Variants in SYNE1 observed in about 807,000 individuals in gnomAD.
SYNE1 encodes the protein nesprin-1.
SYNE1 carries 616 observed loss-of-function variants against 1,111.0 expected under a neutral mutation model. The observed-to-expected ratio is 0.55, with a 90% CI of 0.52 to 0.59. The LOEUF (loss-of-function observed/expected upper bound fraction) is 0.59, where lower values mean the gene tolerates loss of function less well. Among genes scored for constraint, SYNE1 ranks in the 20% least tolerant of loss-of-function variants. The probability of loss-of-function intolerance (pLI) is 0.00; values close to 1 mark genes in which losing one functional copy is unlikely to be tolerated. For missense variants in SYNE1, 10,006 were observed against 10,417.0 expected, an observed-to-expected ratio of 0.96 and a Z score of 1.72; for synonymous variants, 3,855 against 3,825.8, an observed-to-expected ratio of 1.01 and a Z score of -0.28.
At chr6:152,368,865 C>T (rs2097129865) in intron 61 of SYNE1, 107 bp downstream of exon 61, 1 of 1,444,278 alleles carries the variant, frequency 6.9e-7, no homozygotes, top group East Asian at 2.3e-5. Context: ...CCTGGAGACC[C>T]ACACTGTGGG....
chr6:152,197,751 T>C (rs569876390), intron 127 of SYNE1, among the ~76,000 whole-genome samples: 14 of 152,310 alleles, frequency 9.2e-5, no homozygotes, highest in Admixed American at 4.6e-4. Context: ...GGTTTTGTTG[T>C]TCTATTTATA....
At chr6:152,368,937 T>C in intron 61 of SYNE1, 35 bp downstream of exon 61, 1 of 1,613,828 alleles carries the variant, frequency 6.2e-7, no homozygotes. Flanking sequence ...GCGACATCAG[T>C]ATCACACTCA....
Position 152,381,053 on chromosome 6 carries a change from C to T in SYNE1, c.8962G>A (p.Gly2988Ser). The T allele has an allele frequency of 6.2e-7, 1 of 1,614,198 alleles. No individual in the cohort carries two copies. Among genetic ancestry groups the T allele is most frequent in the Admixed American group, 1.7e-5 (1 of 60,016 alleles). Residue 2988 changes from glycine to serine, a missense_variant, in exon 56 of 146, where the codon GGC becomes AGC. Coordinates refer to ENST00000367255, the MANE Select transcript of SYNE1 (RefSeq NM_182961.4). ...TWAQQLTLLE[G>S]KNTDEEIVEC... ...ACTATCTCCTCATCCGTGTTCTTGC[C>T]TTCCAGGAGGGTTAACTGCTGAGCC... is the stretch of plus-strand genomic sequence containing the variant.
At chr6:152,412,810 C>G (rs1464256923) in intron 42 of SYNE1, among the ~76,000 whole-genome samples, 3 of 151,142 alleles carry the variant, frequency 2.0e-5, no homozygotes, top group Non-Finnish European at 4.4e-5. Flanking sequence ...TACTTCATAA[C>G]TGTTGACAAC....
intron 12 of SYNE1, among the ~76,000 whole-genome samples, chr6:152,486,038 T>C (rs2098937469): frequency 6.6e-6 from 1 of 151,704 alleles, no homozygotes; most frequent in Non-Finnish European, 1.5e-5. Flanking sequence ...CCATTAAAAA[T>C]ACAAAAATTA....
At chr6:152,559,886 A>G (rs75465430) in intron 3 of SYNE1, among the ~76,000 whole-genome samples, 2,845 of 152,330 alleles carry the variant, frequency 0.019, 95 homozygotes, top group African/African-American at 0.065. Context: ...TTTTAGCTAG[A>G]CTAAAGAAAA....
intron 98 of SYNE1, among the ~76,000 whole-genome samples, chr6:152,270,514 T>G (rs781050567): frequency 2.0e-5 from 3 of 152,250 alleles, no homozygotes; most frequent in Non-Finnish European, 4.4e-5. Flanking sequence ...CCTTCCTGCC[T>G]GATTATTCTA....
intron 3 of SYNE1, among the ~76,000 whole-genome samples, chr6:152,593,498 C>T (rs567352210): frequency 3.3e-5 from 5 of 152,006 alleles, no homozygotes; most frequent in African/African-American, 9.6e-5. Context: ...AGGAGAATGG[C>T]GTGAATCCGG....
At chr6:152,435,710 G>C (rs1426130528) in intron 33 of SYNE1, 6 of 586,196 alleles carry the variant, frequency 1.0e-5, no homozygotes, top group African/African-American at 7.5e-5. Flanking sequence ...TCATGAACAT[G>C]ATCAGTTTAA....
intron 29 of SYNE1, among the ~76,000 whole-genome samples, chr6:152,445,828 T>G (rs1479645923): frequency 1.3e-5 from 2 of 152,138 alleles, no homozygotes; most frequent in Non-Finnish European, 2.9e-5. Context: ...ATCCATCTCT[T>G]CATACAAATC....
At chr6:152,254,586 C>T (rs990343328) in intron 104 of SYNE1, among the ~76,000 whole-genome samples, 6 of 152,084 alleles carry the variant, frequency 3.9e-5, no homozygotes, top group South Asian at 2.1e-4. Context: ...GTTTAAACTC[C>T]GGTATTAGTA....
At chr6:152,311,974 C>T (rs1003914934) in intron 87 of SYNE1, among the ~76,000 whole-genome samples, 2 of 152,148 alleles carry the variant, frequency 1.3e-5, no homozygotes, top group South Asian at 2.1e-4. Flanking sequence ...TTAGCAGAGA[C>T]GGGGTTTCAT....
At chr6:152,384,257 G>A (rs903675482) in intron 55 of SYNE1, among the ~76,000 whole-genome samples, 14 of 152,252 alleles carry the variant, frequency 9.2e-5, no homozygotes, top group African/African-American at 3.1e-4. Context: ...TGATTCCAGA[G>A]CCTGAACTCT....
At chr6:152,520,004 A>G (rs2099131132) in intron 6 of SYNE1, among the ~76,000 whole-genome samples, 1 of 152,168 alleles carries the variant, frequency 6.6e-6, no homozygotes, top group South Asian at 2.1e-4. Context: ...ATGCAAAATA[A>G]CTGACCAGCA....
In SYNE1 at chr6:152,455,511, C is replaced by T. The variant is rs537794828; in HGVS notation, c.2807G>A (p.Arg936Gln). ...CCGCAGTACCTTCTCCAACTCTGCT[C>T]GAGACTCCTCAAACTTCTTCATCAA... ...SRLMKKFEES[R>Q]AELEKVLRIA... Residue 936 changes from arginine (R) to glutamine (Q), a missense_variant, in exon 24 of 146, where the codon CGA becomes CAA. Coordinates refer to ENST00000367255, the MANE Select transcript of SYNE1 (RefSeq NM_182961.4). 1.2e-5 allele frequency: 20 copies of T among 1,614,132 alleles called. No individual in the cohort carries two copies. Among genetic ancestry groups the T allele is most frequent in the South Asian group, 5.5e-5 (5 of 91,086 alleles).
chr6:152,473,946 G>A (rs922696272), intron 14 of SYNE1, among the ~76,000 whole-genome samples: 1 of 152,150 alleles, frequency 6.6e-6, no homozygotes. Context: ...CGCACTTTGG[G>A]TGGCGGACAC....
intron 3 of SYNE1, chr6:152,546,404 C>T (rs1377747860): frequency 6.6e-6 from 1 of 152,104 alleles, no homozygotes; most frequent in Non-Finnish European, 1.5e-5. Context: ...GGTCTCATTT[C>T]CCCAGACCTT....
chr6:152,463,568 G>T, intron 18 of SYNE1, 51 bp from the exon 19 acceptor site: 2 of 1,435,960 alleles, frequency 1.4e-6, no homozygotes, highest in Non-Finnish European at 2.0e-6. Flanking sequence ...AAATATCAGT[G>T]ACTGATATGA....
At chr6:152,584,645 C>T (rs1157133616) in intron 3 of SYNE1, among the ~76,000 whole-genome samples, 3 of 152,108 alleles carry the variant, frequency 2.0e-5, no homozygotes, top group Non-Finnish European at 4.4e-5. Flanking sequence ...TCAAGTGATC[C>T]TCCCTCCTCA....
Sources: gnomAD v4.1 joint callset for allele counts (sites outside exome capture counted in the v4.1 genomes callset) on GRCh38, gnomAD v4.1.1 for gene constraint, MANE v1.5 for transcripts, NCBI Gene and HGNC (gene_info 2026-07-23, HGNC 2026-07-21) for gene names.